The following MON2 variants were observed in gnomAD, a reference collection of about 807,000 sequenced individuals.
The protein encoded by MON2 is MON2 regulator of endosome-to-Golgi trafficking.
A neutral mutation model predicts 208.6 loss-of-function variants in MON2; 84 were observed. That is an observed-to-expected ratio of 0.40 (90% CI 0.34 to 0.48). MON2 has a LOEUF of 0.48. Ranked by LOEUF, MON2 falls within the 20% of genes least tolerant of loss-of-function variation. The probability of loss-of-function intolerance (pLI) is 0.59; values close to 1 mark genes in which losing one functional copy is unlikely to be tolerated. For synonymous variants in MON2, 660 were observed against 694.0 expected, an observed-to-expected ratio of 0.95 and a Z score of 0.77; for missense variants, 1,611 against 2,015.4, an observed-to-expected ratio of 0.80 and a Z score of 3.84.
intron 25 of MON2, among the ~76,000 whole-genome samples, chr12:62,557,504 G>A (rs1286501124): frequency 1.3e-5 from 2 of 152,158 alleles, no homozygotes. Context: ...CCTGGTTGCC[G>A]ATTATACTAC....
At chr12:62,484,315 A>T in intron 2 of MON2, 82 bp downstream of exon 2, 1 of 880,670 alleles carries the variant, frequency 1.1e-6, no homozygotes. Flanking sequence ...AAAAGCCATC[A>T]GTTTTCTGTA....
chr12:62,543,507 T>C (rs2073334075), intron 20 of MON2, among the ~76,000 whole-genome samples: 1 of 152,204 alleles, frequency 6.6e-6, no homozygotes, highest in Non-Finnish European at 1.5e-5. Flanking sequence ...TCACCTCAGT[T>C]TCAGATAGTT....
chr12:62,508,702 G>C, intron 8 of MON2: 1 of 450,940 alleles, frequency 2.2e-6, no homozygotes, highest in East Asian at 3.5e-5. Context: ...GTCATTGCCT[G>C]TTGTCTGAAG....
intron 26 of MON2, 186 bp from the exon 27 acceptor site, chr12:62,565,051 G>A: frequency 1.9e-6 from 1 of 521,372 alleles, no homozygotes; most frequent in Non-Finnish European, 3.3e-6. Context: ...CTGATTAACA[G>A]TTTCAGCCTA....
chr12:62,585,065 GCACACACACACACACACACACACACA>G (rs57834850), intron 32 of MON2, among the ~76,000 whole-genome samples: 1 of 98,800 alleles, frequency 1.0e-5, no homozygotes, highest in Non-Finnish European at 2.0e-5. Flanking sequence ...CTCTCTACAT[GCACACACACACACACACACACACACA>G]CACACACACA....
intron 22 of MON2, 32 bp downstream of exon 22, chr12:62,547,104 T>C (rs1592360354): frequency 4.5e-6 from 6 of 1,319,530 alleles, no homozygotes; most frequent in Middle Eastern, 4.1e-4. Context: ...AGAAAAAATA[T>C]GTATGAAAAA....
chr12:62,530,648 T>C (rs892153554), intron 11 of MON2, among the ~76,000 whole-genome samples: 2 of 152,204 alleles, frequency 1.3e-5, no homozygotes, highest in Non-Finnish European at 2.9e-5. Flanking sequence ...TTGATGCATA[T>C]TGGGTTATTT....
At chr12:62,469,071 CA>C (rs1407939834) in intron 1 of MON2, among the ~76,000 whole-genome samples, 1 of 151,174 alleles carries the variant, frequency 6.6e-6, no homozygotes, top group African/African-American at 2.4e-5. Flanking sequence ...CCCTGAGTTG[CA>C]GCGACTACAA....
intron 19 of MON2, among the ~76,000 whole-genome samples, chr12:62,542,530 G>T (rs932925155): frequency 6.6e-6 from 1 of 152,084 alleles, no homozygotes; most frequent in Non-Finnish European, 1.5e-5. Context: ...AACCATTCTT[G>T]TGACACATGG....
intron 8 of MON2, among the ~76,000 whole-genome samples, chr12:62,514,702 G>T (rs79304148): frequency 0.045 from 6,891 of 152,186 alleles, 219 homozygotes; most frequent in Non-Finnish European, 0.059. Flanking sequence ...GAGTGAAAAG[G>T]CAACACTTGG....
At position 62,589,486 on chromosome 12, in the gene MON2, A is replaced by G. The variant is rs187720321; in HGVS notation, c.4990+1330A>G. On this transcript the variant is annotated intron_variant, in intron 34 of 34. Transcript: ENST00000393630. ...ATTGGTACTTTGGCCTAGAAAGGGTATTATACTAAATCTTAAGAGGCAGTA... is the reference window on the plus strand; with the variant it reads ...ATTGGTACTTTGGCCTAGAAAGGGTGTTATACTAAATCTTAAGAGGCAGTA... Among the ~76,000 whole-genome samples the G allele has an allele frequency of 2.5e-3, 379 of 152,318 alleles. 2 individuals are homozygous for G. The highest frequency in any genetic ancestry group is 2.9e-3 in the Non-Finnish European group (197 of 68,030).
Position 62,571,624 on chromosome 12 carries a change from A to T in MON2, c.4514+42A>T, listed in dbSNP as rs757586044. ...TTAAAATTAAGACAAGAAGTGGCAC[A>T]TTATATCTTCAGTTGCTCTAAAAAC... On this transcript the variant is annotated intron_variant, in intron 30 of 34. Coordinates refer to ENST00000393630, the MANE Select transcript of MON2 (RefSeq NM_015026.3). 4.1e-6 allele frequency: 6 copies of T among 1,466,856 alleles called. No individual in the cohort carries two copies. In the Admixed American group the frequency reaches 5.7e-5, roughly 14 times the overall value. The allele number at this position is 1,466,856 out of a possible 1,614,324, so 90.9% of individuals were successfully genotyped here. A position where few individuals can be genotyped will look rare whatever the true frequency, so the allele number is the denominator to read the frequency against.
rs186019947 is a variant in MON2 at position 62,563,650 on chromosome 12, G to A, written c.4033-1587G>A. Among the ~76,000 whole-genome samples, 1,023 of 152,060 alleles carry A rather than the reference G, an allele frequency of 6.7e-3. 4 individuals are homozygous for A. Among genetic ancestry groups the A allele is most frequent in the Admixed American group, 0.014 (214 of 15,260 alleles). On this transcript the variant is annotated intron_variant, in intron 26 of 34. Transcript: ENST00000393630. ...ATGGAGTTTGTTGTTAAAAAATTGT[G>A]GGTTCCAAATTATGCATTTTAAAGT... is the stretch of plus-strand genomic sequence containing the variant.
In MON2 at chr12:62,600,237, ACAT is replaced by A. The variant is rs1176707721; in HGVS notation, c.*7492_*7494del. On this transcript the variant is annotated 3_prime_UTR_variant, in exon 35 of 35. Transcript: ENST00000393630. ...TAGGGAAGTAAAACACATTTGGCAC[ACAT>A]CATTCAAGAATGGCCAGAAAATCCA... The A allele has an allele frequency of 3.9e-5, 6 of 152,246 alleles. No homozygotes were observed. Among genetic ancestry groups the A allele is most frequent in the African/African-American group, 1.4e-4 (6 of 41,462 alleles). 9.4% of individuals were successfully genotyped at this position (152,246 alleles called of 1,614,324 possible).
intron 32 of MON2, among the ~76,000 whole-genome samples, chr12:62,584,856 A>T (rs1156610177): frequency 1.3e-5 from 2 of 152,072 alleles, no homozygotes; most frequent in African/African-American, 4.8e-5. Flanking sequence ...AGCAGAGGTC[A>T]CGTTCCAGGA....
At chr12:62,529,435 G>GT (rs751179370) in intron 11 of MON2, among the ~76,000 whole-genome samples, 17 of 151,802 alleles carry the variant, frequency 1.1e-4, no homozygotes, top group Admixed American at 6.6e-4. Context: ...TTCTTATTAT[G>GT]TTTTTTTTAA....
intron 1 of MON2, among the ~76,000 whole-genome samples, chr12:62,473,964 C>T (rs2068931184): frequency 6.6e-6 from 1 of 152,098 alleles, no homozygotes; most frequent in Non-Finnish European, 1.5e-5. Flanking sequence ...ACTCCTATTG[C>T]CTCTGGACTT....
chr12:62,580,393 A>G lies in MON2; in HGVS notation c.4672A>G (p.Ile1558Val), dbSNP rs747134831. The G allele has an allele frequency of 2.7e-5, 43 of 1,605,144 alleles. No individual in the cohort carries two copies. Among genetic ancestry groups the G allele is most frequent in the Non-Finnish European group, 3.4e-5 (40 of 1,173,672 alleles). Residue 1558 changes from isoleucine (I) to valine (V), a missense_variant, in exon 32 of 35, where the codon ATA (isoleucine) becomes GTA (valine). Transcript: ENST00000393630. ...QIMTMLNKGS[I>V]HSQSSSFTEA... ...AATGACAATGCTTAACAAGGGCTCA[A>G]TACATTCTCAGTCATCTTCATTTAC...
intron 32 of MON2, among the ~76,000 whole-genome samples, chr12:62,583,914 C>G (rs1162177098): frequency 1.4e-5 from 2 of 143,200 alleles, no homozygotes; most frequent in Non-Finnish European, 3.0e-5. Flanking sequence ...AAGCTGAGAT[C>G]ATGCCACTGC....
Sources: allele counts gnomAD v4.1 joint callset (sites outside exome capture counted in the v4.1 genomes callset), GRCh38; gene constraint gnomAD v4.1.1; transcripts MANE v1.5; gene names NCBI Gene and HGNC (gene_info 2026-07-23, HGNC 2026-07-21).